The following MET variants were observed in gnomAD, a reference collection of about 807,000 sequenced individuals.
The protein encoded by MET is MET proto-oncogene, receptor tyrosine kinase.
A neutral mutation model predicts 133.1 loss-of-function variants in MET; 48 were observed. The ratio of observed to expected loss-of-function variants is 0.36; its 90% CI spans 0.29 to 0.46. MET has a LOEUF of 0.46. Ranked by LOEUF, MET falls within the 20% of genes least tolerant of loss-of-function variation. MET has a pLI of 1.00. For synonymous variants in MET, 628 were observed against 616.5 expected, an observed-to-expected ratio of 1.02 and a Z score of -0.28; for missense variants, 1,442 against 1,695.9, an observed-to-expected ratio of 0.85 and a Z score of 2.63.
At chr7:116,774,338 C>T (rs944972544) in intron 14 of MET, among the ~76,000 whole-genome samples, 2 of 152,210 alleles carry the variant, frequency 1.3e-5, no homozygotes, top group Non-Finnish European at 2.9e-5. Flanking sequence ...CCAGTGCCAT[C>T]ACTGCACAGT....
chr7:116,712,155 T>C (rs1172825624), intron 2 of MET, among the ~76,000 whole-genome samples: 2 of 152,190 alleles, frequency 1.3e-5, no homozygotes, highest in Non-Finnish European at 2.9e-5. Context: ...CACGTGTAGC[T>C]TGGTCCACTT....
chr7:116,742,792 T>C (rs1793510927), intron 5 of MET, among the ~76,000 whole-genome samples: 1 of 152,190 alleles, frequency 6.6e-6, no homozygotes, highest in Non-Finnish European at 1.5e-5. Context: ...CATGCACAAG[T>C]CAGTGAGGCT....
intron 2 of MET, among the ~76,000 whole-genome samples, chr7:116,706,454 T>G (rs1216442573): frequency 6.6e-6 from 1 of 152,142 alleles, no homozygotes; most frequent in Non-Finnish European, 1.5e-5. Flanking sequence ...ATATTTTCAT[T>G]GACATAAACA....
rs142954535 is a variant in MET at position 116,714,745 on chromosome 7, G to GCACACA, written c.1200+14488_1200+14493dup. Among the ~76,000 whole-genome samples the GCACACA allele has an allele frequency of 1.8e-3, 261 of 145,102 alleles. 1 individual carries two copies. Among genetic ancestry groups the GCACACA allele is most frequent in the Admixed American group, 6.4e-3 (93 of 14,502 alleles). ...TATACAGTTAAACACTCACATGCAC[G>GCACACA]CACACACACACACACACACACACAC... On this transcript the variant is annotated intron_variant, in intron 2 of 20. Transcript: ENST00000397752.
intron 1 of MET, among the ~76,000 whole-genome samples, chr7:116,689,031 T>C (rs1404868702): frequency 6.6e-6 from 1 of 152,210 alleles, no homozygotes; most frequent in Non-Finnish European, 1.5e-5. Flanking sequence ...GCCACCTGTA[T>C]TTGAATTTTT....
At chr7:116,673,408 A>T (rs751159881) in intron 1 of MET, among the ~76,000 whole-genome samples, 2 of 152,202 alleles carry the variant, frequency 1.3e-5, no homozygotes, top group Non-Finnish European at 2.9e-5. Flanking sequence ...AAATATTGTC[A>T]ACTCTCTTAG....
chr7:116,677,646 G>A (rs1276157296), intron 1 of MET, among the ~76,000 whole-genome samples: 1 of 152,230 alleles, frequency 6.6e-6, no homozygotes, highest in Non-Finnish European at 1.5e-5. Context: ...CCCAATTGCA[G>A]CAGCATGCAT....
In MET at chr7:116,772,120, T is replaced by C. The variant is rs1055967819; in HGVS notation, c.3028+131T>C. The C allele has an allele frequency of 3.1e-6, 3 of 974,116 alleles. No homozygotes were observed. The African/African-American group carries it at 4.9e-5, about 16-fold the overall frequency. The allele number at this position is 974,116 out of a possible 1,614,324, so 60.3% of individuals were successfully genotyped here. On this transcript the variant is annotated intron_variant, in intron 14 of 20. Transcript: ENST00000397752. ...AAAGGAAGTATTTACCTCTGCCAAGTAAGTATTTGACACAAAATTACATGG... is the reference window on the plus strand; with the variant it reads ...AAAGGAAGTATTTACCTCTGCCAAGCAAGTATTTGACACAAAATTACATGG...
intron 2 of MET, among the ~76,000 whole-genome samples, chr7:116,712,289 C>A (rs1163888908): frequency 6.6e-6 from 1 of 152,194 alleles, no homozygotes; most frequent in Non-Finnish European, 1.5e-5. Context: ...CCCTGCCCCC[C>A]ATATTCTGGA....
chr7:116,693,283 C>T (rs376790354), intron 1 of MET, among the ~76,000 whole-genome samples: 45 of 152,284 alleles, frequency 3.0e-4, no homozygotes, highest in African/African-American at 1.0e-3. Flanking sequence ...CATCCCTCTG[C>T]GGGCTTTAAT....
At position 116,781,983 on chromosome 7, in the gene MET, T is replaced by C. The variant is rs1795169635; in HGVS notation, c.3523-5T>C. On this transcript the variant is annotated splice_region_variant and splice_polypyrimidine_tract_variant and intron_variant, in intron 17 of 20. Coordinates refer to ENST00000397752, the MANE Select transcript of MET (RefSeq NM_000245.4). ...TTATGCTTTTCTAACTCTCTTTGAC[T>C]GCAGAATCCAACTGTAAAAGATCTT... 1 of 1,588,658 alleles carries C rather than the reference T, an allele frequency of 6.3e-7. No individual in the cohort carries two copies. The highest frequency in any genetic ancestry group is 8.6e-7 in the Non-Finnish European group (1 of 1,157,300).
intron 17 of MET, 123 bp from the exon 18 acceptor site, chr7:116,781,865 A>G (rs1349401266): frequency 1.4e-6 from 1 of 735,944 alleles, no homozygotes; most frequent in Non-Finnish European, 2.3e-6. Flanking sequence ...GGCTTGAGCC[A>G]TTAAGACCAA....
chr7:116,684,337 T>G (rs1796468398), intron 1 of MET, among the ~76,000 whole-genome samples: 1 of 152,214 alleles, frequency 6.6e-6, no homozygotes. Context: ...TTGATTCTGT[T>G]GTCCATTCAT....
chr7:116,763,058 A>G lies in MET; in HGVS notation c.2373A>G (p.Gln791=), dbSNP rs760294359. The change falls in exon 11 of 21, where the codon CAA becomes CAG. Residue 791 remains glutamine (Q), a synonymous_variant. Coordinates refer to ENST00000397752, the MANE Select transcript of MET (RefSeq NM_000245.4). ...ATTGTGTCTTTCTCTAGGCATGTCA[A>G]CATCGCTCTAATTCAGAGATAATCT... is the stretch of plus-strand genomic sequence containing the variant. The part of the protein sequence containing the change: ...EAGRNFTVAC[Q]HRSNSEIICC... 7.4e-6 allele frequency: 12 copies of G among 1,613,900 alleles called. No homozygotes were observed. In the East Asian group the frequency reaches 2.7e-4, roughly 36 times the overall value.
At chr7:116,725,485 T>TATATATAC (rs1034429722) in intron 2 of MET, among the ~76,000 whole-genome samples, 2 of 149,408 alleles carry the variant, frequency 1.3e-5, no homozygotes, top group African/African-American at 2.4e-5. Flanking sequence ...TATATATATA[T>TATATATAC]ACACACACAC....
chr7:116,787,023 C>A (rs145053814), intron 19 of MET, among the ~76,000 whole-genome samples: 6 of 152,200 alleles, frequency 3.9e-5, no homozygotes, highest in Admixed American at 6.5e-5. Flanking sequence ...GAGAATAAGA[C>A]GAGGTGACTG....
chr7:116,757,321 C>A, intron 6 of MET, 116 bp from the exon 7 acceptor site: 3 of 807,648 alleles, frequency 3.7e-6, no homozygotes, highest in Non-Finnish European at 6.3e-6. Flanking sequence ...TGAAACTCTG[C>A]TTGCTATTCA....
chr7:116,696,547 C>T (rs1796973046), intron 1 of MET, among the ~76,000 whole-genome samples: 4 of 152,218 alleles, frequency 2.6e-5, no homozygotes, highest in Non-Finnish European at 5.9e-5. Flanking sequence ...TTGAGACCCT[C>T]ACTTGGCTTT....
chr7:116,737,110 T>C (rs1793244632), intron 3 of MET, among the ~76,000 whole-genome samples: 1 of 152,240 alleles, frequency 6.6e-6, no homozygotes, highest in Non-Finnish European at 1.5e-5. Flanking sequence ...GCATCTGTGG[T>C]ACAGCCTCTG....
Sources: gnomAD v4.1 joint callset for allele counts (sites outside exome capture counted in the v4.1 genomes callset) on GRCh38, gnomAD v4.1.1 for gene constraint, MANE v1.5 for transcripts, NCBI Gene and HGNC (gene_info 2026-07-23, HGNC 2026-07-21) for gene names.